Variants in CT47C1 observed in about 807,000 individuals in gnomAD.
CT47C1 encodes cancer/testis antigen family 47 member A11 pseudogene.
chrX:119,074,838 T>C, the CT47C1 span: 1 of 807,406 alleles, frequency 1.2e-6, no homozygotes, highest in Admixed American at 2.9e-5. Flanking sequence ...ATTCCTTTCT[T>C]AGTTAAGTCT....
the CT47C1 span, chrX:119,074,120 C>T: frequency 4.2e-6 from 2 of 479,169 alleles, no homozygotes; most frequent in East Asian, 3.4e-5. Flanking sequence ...GACAGGGACC[C>T]GTGCACCCAA....
At chrX:119,074,228 T>C in the CT47C1 span, 3 of 377,069 alleles carry the variant, frequency 8.0e-6, no homozygotes, top group South Asian at 2.2e-4. Flanking sequence ...AGGGCCCTCC[T>C]GAAACTTAAG....
the CT47C1 span, chrX:119,073,546 G>A: frequency 4.7e-3 from 2,430 of 518,659 alleles, 42 homozygotes; most frequent in African/African-American, 0.046. Context: ...GGAACGAGGC[G>A]GACAACTTCG....
chrX:119,073,323 G>A, the CT47C1 span: 1 of 516,841 alleles, frequency 1.9e-6, no homozygotes, highest in South Asian at 2.7e-5. Flanking sequence ...GACCGGGAGG[G>A]CGGTGACTCT....
At chrX:119,076,613 A>G in the CT47C1 span, among the ~76,000 whole-genome samples, 3 of 112,534 alleles carry the variant, frequency 2.7e-5, no homozygotes, top group East Asian at 8.3e-4. Context: ...TACCTTAGTC[A>G]CTAGTAACGT....
At chrX:119,075,829 A>G in the CT47C1 span, among the ~76,000 whole-genome samples, 1 of 106,967 alleles carries the variant, frequency 9.3e-6, no homozygotes, top group Non-Finnish European at 1.9e-5. Context: ...AGAGTAAGGG[A>G]GTATCATTTG....
the CT47C1 span, chrX:119,076,439 G>A: frequency 8.9e-6 from 1 of 112,444 alleles, no homozygotes; most frequent in South Asian, 3.6e-4. Flanking sequence ...TTACCTCTTT[G>A]TTTTGGCCCA....
chrX:119,073,301 G>A, the CT47C1 span: 1 of 508,335 alleles, frequency 2.0e-6, no homozygotes, highest in Non-Finnish European at 3.5e-6. Context: ...AGCGCAGGCC[G>A]AGGCCGTAGG....
chrX:119,073,968 C>T, the CT47C1 span: 6 of 746,973 alleles, frequency 8.0e-6, no homozygotes, highest in African/African-American at 1.3e-4. Flanking sequence ...GAGGAGGCCG[C>T]AGAGGAGGAG....
the CT47C1 span, chrX:119,073,084 C>A: frequency 2.9e-6 from 1 of 347,884 alleles, no homozygotes; most frequent in East Asian, 4.5e-5. Flanking sequence ...GACTTTTATT[C>A]CCTCAGTAAG....
At chrX:119,073,223 G>A in the CT47C1 span, 9 of 478,470 alleles carry the variant, frequency 1.9e-5, no homozygotes, top group South Asian at 2.2e-4. Context: ...ACTGACTGGC[G>A]TCATGTCTGC....
At chrX:119,075,117 C>T in the CT47C1 span, 6 of 1,076,334 alleles carry the variant, frequency 5.6e-6, no homozygotes, top group African/African-American at 7.3e-5. Context: ...ATCCAGGTAT[C>T]GGTGTATAGC....
chrX:119,076,455 C>A, the CT47C1 span: 2 of 112,438 alleles, frequency 1.8e-5, no homozygotes, highest in African/African-American at 3.2e-5. Context: ...GCCCACCATA[C>A]CTTCATTGAA....
the CT47C1 span, chrX:119,073,516 G>C: frequency 4.1e-6 from 2 of 493,031 alleles, no homozygotes; most frequent in Non-Finnish European, 7.3e-6. Context: ...AGGAGGAAGA[G>C]GAGGAGGAGG....
At chrX:119,073,814 G>T in the CT47C1 span, 3 of 875,774 alleles carry the variant, frequency 3.4e-6, no homozygotes. Flanking sequence ...CCAGGAGGCC[G>T]CGTTGGTCCC....
chrX:119,075,501 G>T, the CT47C1 span, among the ~76,000 whole-genome samples: 1 of 111,894 alleles, frequency 8.9e-6, no homozygotes, highest in East Asian at 2.8e-4. Flanking sequence ...AGAAATGCAG[G>T]CTCCCATAGT....
At chrX:119,075,098 G>T in the CT47C1 span, 1 of 1,082,404 alleles carries the variant, frequency 9.2e-7, no homozygotes, top group East Asian at 3.0e-5. Flanking sequence ...CAGAGGGGAA[G>T]CTGAGAAAAT....
At chrX:119,073,324 C>T in the CT47C1 span, 11 of 514,343 alleles carry the variant, frequency 2.1e-5, no homozygotes, top group South Asian at 8.2e-5. Flanking sequence ...ACCGGGAGGG[C>T]GGTGACTCTG....
chrX:119,073,770 C>T, the CT47C1 span: 10 of 822,218 alleles, frequency 1.2e-5, no homozygotes, highest in South Asian at 2.2e-4. Flanking sequence ...GGCGTGGGGG[C>T]CGCGGGTCCT....
Sources: allele counts gnomAD v4.1 joint callset (sites outside exome capture counted in the v4.1 genomes callset), GRCh38; gene constraint gnomAD v4.1.1; transcripts MANE v1.5; gene names NCBI Gene and HGNC (gene_info 2026-07-23, HGNC 2026-07-21).